Variants in HIBADH observed in about 807,000 individuals in gnomAD.
The protein encoded by HIBADH is 3-hydroxyisobutyrate dehydrogenase.
In HIBADH, 25 loss-of-function variants were observed where a neutral mutation model predicts 36.1. That is an observed-to-expected ratio of 0.69 (90% CI 0.50 to 0.97). HIBADH has a LOEUF of 0.97. HIBADH is among the 50% of genes least tolerant of loss of function. The pLI, the probability that HIBADH is intolerant of heterozygous loss-of-function variation, is 0.00. For synonymous variants in HIBADH, 160 were observed against 149.5 expected (o/e 1.07, Z -0.51); for missense variants, 421 against 418.0 (o/e 1.01, Z -0.06).
rs1398847879 is a variant in HIBADH at position 27,610,594 on chromosome 7, G to C, written c.484+18777C>G. 2.0e-5 allele frequency among the ~76,000 whole-genome samples: 3 copies of C among 152,164 alleles called. No homozygotes were observed. The East Asian group carries it at 5.8e-4, about 29-fold the overall frequency. ...TCACATACAAGACTACTGTATAATC[G>C]AAGCACTTGTGAGAGTATCAAAAAA... On this transcript the variant is annotated intron_variant, in intron 4 of 7. Transcript: ENST00000265395.
Position 27,531,217 on chromosome 7 carries a change from C to T in HIBADH, c.827G>A (p.Gly276Glu). 6.2e-7 allele frequency: 1 copy of T among 1,613,774 alleles called. No homozygotes were observed. The highest frequency in any genetic ancestry group is 8.5e-7 in the Non-Finnish European group (1 of 1,179,818). The part of the protein sequence containing the change: ...GVPSANNYQG[G>E]FGTTLMAKDL... Reference sequence around the variant, plus strand: ...CTTAGCCATGAGTGTTGTTCCAAATCCACCCTGATAGTTATTAGCCGAGGG... The same window carrying T: ...CTTAGCCATGAGTGTTGTTCCAAATTCACCCTGATAGTTATTAGCCGAGGG... Residue 276 changes from glycine (G) to glutamate (E), a missense_variant, in exon 7 of 8, where the codon GGA (glycine) becomes GAA (glutamate). Coordinates refer to ENST00000265395, the MANE Select transcript of HIBADH (RefSeq NM_152740.4).
intron 2 of HIBADH, among the ~76,000 whole-genome samples, chr7:27,642,169 G>A (rs1430612476): frequency 6.6e-6 from 1 of 152,186 alleles, no homozygotes; most frequent in Non-Finnish European, 1.5e-5. Context: ...CCCAGTAACT[G>A]AGTCTGTGTC....
chr7:27,658,204 C>T, intron 1 of HIBADH, among the ~76,000 whole-genome samples: 1 of 152,130 alleles, frequency 6.6e-6, no homozygotes, highest in East Asian at 1.9e-4. Context: ...GATTATTGCC[C>T]TAAAAACTCT....
chr7:27,633,599 C>T lies in HIBADH; in HGVS notation c.253-1154G>A, dbSNP rs535576964. On this transcript the variant is annotated intron_variant, in intron 2 of 7. Coordinates refer to ENST00000265395, the MANE Select transcript of HIBADH (RefSeq NM_152740.4). Reference sequence around the variant, plus strand: ...ACTTAAGTCCAGGCGTTGGAGGTTACGGTGAGCTATGATCGCGCCACCATA... The same window carrying T: ...ACTTAAGTCCAGGCGTTGGAGGTTATGGTGAGCTATGATCGCGCCACCATA... Among the ~76,000 whole-genome samples, 9 of 152,144 alleles carry T rather than the reference C, an allele frequency of 5.9e-5. No individual in the cohort carries two copies. The East Asian group carries it at 7.7e-4, about 13-fold the overall frequency.
Position 27,567,506 on chromosome 7 carries a change from A to C in HIBADH, c.485-24406T>G, listed in dbSNP as rs1700191016. Among the ~76,000 whole-genome samples, 3 of 152,102 alleles carry C rather than the reference A, an allele frequency of 2.0e-5. No homozygotes were observed. The South Asian group carries it at 6.2e-4, about 31-fold the overall frequency. On this transcript the variant is annotated intron_variant, in intron 4 of 7. Transcript: ENST00000265395. ...GTTAGTATTGATAGGTTTGGATTTA[A>C]GTCTACTAGTTTATTTTCTGCTTGT...
At chr7:27,527,640 T>C (rs1295752842) in intron 7 of HIBADH, among the ~76,000 whole-genome samples, 1 of 152,192 alleles carries the variant, frequency 6.6e-6, no homozygotes, top group Admixed American at 6.5e-5. Context: ...CAGCACTGTT[T>C]TTCCAACAGC....
intron 6 of HIBADH, among the ~76,000 whole-genome samples, chr7:27,535,062 G>C (rs569535911): frequency 1.3e-5 from 2 of 148,446 alleles, no homozygotes; most frequent in South Asian, 4.4e-4. Context: ...TAGCCAGTAC[G>C]ATGGCATTTT....
chr7:27,577,912 C>G (rs1324143364), intron 4 of HIBADH, among the ~76,000 whole-genome samples: 2 of 152,188 alleles, frequency 1.3e-5, no homozygotes, highest in Non-Finnish European at 2.9e-5. Context: ...GTACCTTCTG[C>G]AACAACTGAA....
At chr7:27,647,527 A>G (rs1462984813) in intron 2 of HIBADH, 1 of 174,614 alleles carries the variant, frequency 5.7e-6, no homozygotes, top group South Asian at 1.7e-4. Context: ...GAGATAATAC[A>G]TACAAAATAT....
intron 4 of HIBADH, among the ~76,000 whole-genome samples, chr7:27,565,450 C>T (rs565595362): frequency 4.6e-5 from 7 of 152,136 alleles, no homozygotes; most frequent in Non-Finnish European, 1.0e-4. Context: ...TAATAATAAA[C>T]TCTATATCTT....
chr7:27,602,130 T>C (rs1785140470), intron 4 of HIBADH, among the ~76,000 whole-genome samples: 1 of 151,490 alleles, frequency 6.6e-6, no homozygotes, highest in Admixed American at 6.6e-5. Context: ...TAAAATTGCA[T>C]ATTGTCCTAT....
Position 27,583,409 on chromosome 7 carries a change from T to A in HIBADH, c.485-40309A>T, listed in dbSNP as rs556001131. On this transcript the variant is annotated intron_variant, in intron 4 of 7. Coordinates refer to ENST00000265395, the MANE Select transcript of HIBADH (RefSeq NM_152740.4). ...AAAGCCAGAAGGAAACAGTATCTCATGATGCAGTCTAATACTGTTATGACA... is the reference window on the plus strand; with the variant it reads ...AAAGCCAGAAGGAAACAGTATCTCAAGATGCAGTCTAATACTGTTATGACA... Among the ~76,000 whole-genome samples, 3 of 152,168 alleles carry A rather than the reference T, an allele frequency of 2.0e-5. No homozygotes were observed. In the East Asian group the frequency reaches 5.8e-4, roughly 29 times the overall value.
intron 2 of HIBADH, among the ~76,000 whole-genome samples, chr7:27,646,996 A>C (rs1188606690): frequency 6.6e-6 from 1 of 152,138 alleles, no homozygotes; most frequent in Non-Finnish European, 1.5e-5. Flanking sequence ...GCGCCCAGCC[A>C]GTTTTTCTTT....
At chr7:27,646,509 T>C (rs896777627) in intron 2 of HIBADH, among the ~76,000 whole-genome samples, 4 of 152,026 alleles carry the variant, frequency 2.6e-5, no homozygotes, top group Admixed American at 2.0e-4. Context: ...GACTATGTTA[T>C]ATAAACATAT....
chr7:27,581,995 T>C (rs1447419677), intron 4 of HIBADH, among the ~76,000 whole-genome samples: 5 of 152,142 alleles, frequency 3.3e-5, no homozygotes, highest in Non-Finnish European at 7.4e-5. Context: ...AAATAAGAGA[T>C]GCTTGTTTTC....
intron 1 of HIBADH, among the ~76,000 whole-genome samples, chr7:27,650,487 TA>T (rs1786165991): frequency 6.7e-6 from 1 of 148,508 alleles, no homozygotes; most frequent in African/African-American, 2.5e-5. Context: ...TTTATTTATT[TA>T]TTTATTTATT....
intron 4 of HIBADH, among the ~76,000 whole-genome samples, chr7:27,557,934 T>C (rs747283827): frequency 6.6e-6 from 1 of 152,234 alleles, no homozygotes; most frequent in Non-Finnish European, 1.5e-5. Flanking sequence ...TTCTTAGTAA[T>C]GGCTGTCTGA....
chr7:27,548,836 CCCTTT>C (rs558171172), intron 4 of HIBADH, among the ~76,000 whole-genome samples: 6 of 152,256 alleles, frequency 3.9e-5, no homozygotes, highest in Admixed American at 6.5e-5. Flanking sequence ...TCCTGATTCC[CCCTTT>C]CCTTTCATTT....
chr7:27,585,561 A>G (rs1213931638), intron 4 of HIBADH, among the ~76,000 whole-genome samples: 1 of 152,190 alleles, frequency 6.6e-6, no homozygotes, highest in Non-Finnish European at 1.5e-5. Flanking sequence ...TCTCATCAAA[A>G]TGAAGATATT....
Sources: allele counts gnomAD v4.1 joint callset (sites outside exome capture counted in the v4.1 genomes callset), GRCh38; gene constraint gnomAD v4.1.1; transcripts MANE v1.5; gene names NCBI Gene and HGNC (gene_info 2026-07-23, HGNC 2026-07-21).